The following EVC2 variants were observed in gnomAD, a reference collection of about 807,000 sequenced individuals.
EVC2 encodes the protein EvC ciliary complex subunit 2.
In EVC2, 148 loss-of-function variants were observed where a neutral mutation model predicts 149.3. The observed-to-expected ratio is 0.99, with a 90% CI of 0.87 to 1.14. The LOEUF (loss-of-function observed/expected upper bound fraction) is 1.14. Ranked by LOEUF, EVC2 falls within the 50% of genes most tolerant of loss-of-function variation. The probability of loss-of-function intolerance (pLI) is 0.00; values close to 1 mark genes in which losing one functional copy is unlikely to be tolerated. For missense variants in EVC2, 1,854 were observed against 1,627.3 expected, an observed-to-expected ratio of 1.14 and a Z score of -2.40; for synonymous variants, 776 against 649.9, an observed-to-expected ratio of 1.19 and a Z score of -2.95.
rs1176526565 is a variant in EVC2 at position 5,569,846 on chromosome 4, C to G, written c.3361-1206G>C. On this transcript the variant is annotated intron_variant, in intron 19 of 21. Coordinates refer to ENST00000344408, the MANE Select transcript of EVC2 (RefSeq NM_147127.5). This position sits in a 1 kb window ranked among gnomAD's most constrained non-coding sequence, Gnocchi z 4.8. ...ACGAGGAAAGGTGCTGTTCCAAATACCAAAGCTCCTTCCACGTCCTGACGC... is the reference window on the plus strand; with the variant it reads ...ACGAGGAAAGGTGCTGTTCCAAATAGCAAAGCTCCTTCCACGTCCTGACGC... 6.6e-6 allele frequency among the ~76,000 whole-genome samples: 1 copy of G among 152,124 alleles called. No individual in the cohort carries two copies. Among genetic ancestry groups the G allele is most frequent in the Non-Finnish European group, 1.5e-5 (1 of 68,022 alleles).
At chr4:5,599,238 T>C (rs1713751601) in intron 16 of EVC2, among the ~76,000 whole-genome samples, 1 of 150,744 alleles carries the variant, frequency 6.6e-6, no homozygotes, top group South Asian at 2.1e-4. Flanking sequence ...CCCAAAGGTC[T>C]ATAAATCATG....
intron 21 of EVC2, among the ~76,000 whole-genome samples, chr4:5,563,620 A>G (rs1003437581): frequency 2.6e-5 from 4 of 152,084 alleles, no homozygotes; most frequent in Non-Finnish European, 5.9e-5. Flanking sequence ...GATTACAGGC[A>G]TAAGCCACCA....
At chr4:5,616,846 A>C (rs1190790128) in intron 15 of EVC2, among the ~76,000 whole-genome samples, 1 of 152,204 alleles carries the variant, frequency 6.6e-6, no homozygotes, top group Non-Finnish European at 1.5e-5. Context: ...GGCAGTGGCC[A>C]CAGCCATTTC....
chr4:5,691,633 G>A (rs1193502185), intron 3 of EVC2, among the ~76,000 whole-genome samples: 2 of 152,172 alleles, frequency 1.3e-5, no homozygotes, highest in South Asian at 2.1e-4. Flanking sequence ...CAAGGGGGAC[G>A]TGGGCAGAGC....
chr4:5,693,930 A>G (rs982246238), intron 3 of EVC2, among the ~76,000 whole-genome samples: 3 of 152,360 alleles, frequency 2.0e-5, no homozygotes, highest in African/African-American at 4.8e-5. Flanking sequence ...GAAACTCATA[A>G]TGAGGCTCAA....
intron 9 of EVC2, among the ~76,000 whole-genome samples, chr4:5,652,315 G>A (rs4440166): frequency 0.35 from 53,001 of 151,686 alleles, 10,020 homozygotes; most frequent in East Asian, 0.48. Flanking sequence ...CAATTCAGCC[G>A]GTTGTTTGTA....
chr4:5,631,740 C>T (rs568936476), intron 11 of EVC2, 53 bp downstream of exon 11: 2 of 1,607,908 alleles, frequency 1.2e-6, no homozygotes, highest in African/African-American at 2.7e-5. Flanking sequence ...GAGACATTTA[C>T]TGAAACAATT....
In EVC2 at chr4:5,696,722, C is replaced by G. The variant is rs532827023; in HGVS notation, c.283+871G>C. Among the ~76,000 whole-genome samples, 1 of 152,326 alleles carries G rather than the reference C, an allele frequency of 6.6e-6. No homozygotes were observed. Among genetic ancestry groups the G allele is most frequent in the South Asian group, 2.1e-4 (1 of 4,820 alleles). ...GAGAACCTTGTGCTCCTGGGTCCAG[C>G]AGTGCCAGGGCCTGTGCGTTTCAGT... On this transcript the variant is annotated intron_variant, in intron 2 of 21. Transcript: ENST00000344408. The surrounding 1 kb of genome is among the most constrained non-coding windows in gnomAD (Gnocchi z 4.1).
At chr4:5,621,538 A>G (rs912817966) in intron 14 of EVC2, among the ~76,000 whole-genome samples, 4 of 152,304 alleles carry the variant, frequency 2.6e-5, no homozygotes, top group Admixed American at 2.6e-4. Flanking sequence ...CCAGTTTCCA[A>G]TCTGTTGCCA....
chr4:5,695,277 G>C (rs1333414202), intron 2 of EVC2, among the ~76,000 whole-genome samples: 1 of 151,812 alleles, frequency 6.6e-6, no homozygotes, highest in Non-Finnish European at 1.5e-5. Context: ...GAACCTGGGA[G>C]GCGGAGGTTG....
chr4:5,691,179 G>T, intron 4 of EVC2, 86 bp downstream of exon 4: 1 of 1,220,734 alleles, frequency 8.2e-7, no homozygotes, highest in Non-Finnish European at 1.2e-6. Context: ...TGATTTATCA[G>T]TTCTTAAATA....
rs1307819549 is a variant in EVC2, at chr4:5,622,876, A to T, written c.2162T>A (p.Leu721Gln). Residue 721 changes from leucine to glutamine, a missense_variant, in exon 14 of 22, where the codon CTG becomes CAG. By Grantham distance (113) the Leu-to-Gln change is moderately radical. Transcript: ENST00000344408. This position sits in a 1 kb window ranked among gnomAD's most constrained non-coding sequence, Gnocchi z 5.8. The stretch of plus-strand genomic sequence containing the variant: ...GTCCAGACGCTCCTGCAGCTCCTCC[A>T]GGGTGGCACCGTGCTCCTCCATCAG... ...RSLMEEHGAT[L>Q]EELQERLDQA... 6.2e-7 allele frequency: 1 copy of T among 1,614,176 alleles called. No homozygotes were observed. The highest frequency in any genetic ancestry group is 8.5e-7 in the Non-Finnish European group (1 of 1,180,046).
intron 9 of EVC2, among the ~76,000 whole-genome samples, chr4:5,650,630 T>G (rs866686661): frequency 0.012 from 786 of 67,634 alleles, 5 homozygotes; most frequent in African/African-American, 0.027. Context: ...TATATATATA[T>G]ATATATATAG....
intron 10 of EVC2, among the ~76,000 whole-genome samples, chr4:5,634,585 G>A (rs140854723): frequency 1.3e-5 from 2 of 152,164 alleles, no homozygotes; most frequent in African/African-American, 2.4e-5. Context: ...CTCTGCCGAA[G>A]AATAAAGTAT....
At chr4:5,595,882 A>G (rs1713361037) in intron 16 of EVC2, among the ~76,000 whole-genome samples, 1 of 152,198 alleles carries the variant, frequency 6.6e-6, no homozygotes, top group South Asian at 2.1e-4. Context: ...AGAGCTACCA[A>G]GCAAATGGAA....
At chr4:5,615,733 C>G (rs1399076553) in intron 15 of EVC2, among the ~76,000 whole-genome samples, 189 bp from the exon 16 acceptor site, 1 of 152,164 alleles carries the variant, frequency 6.6e-6, no homozygotes, top group Non-Finnish European at 1.5e-5. Context: ...AGCCTTTGAT[C>G]TTCACACAAT....
chr4:5,684,852 A>G (rs574278201), intron 6 of EVC2, among the ~76,000 whole-genome samples: 2 of 152,240 alleles, frequency 1.3e-5, no homozygotes, highest in South Asian at 4.1e-4. Flanking sequence ...AGAAGAGGCT[A>G]GGACAGACGT....
At chr4:5,644,685 C>T (rs1717584123) in intron 9 of EVC2, among the ~76,000 whole-genome samples, 1 of 152,142 alleles carries the variant, frequency 6.6e-6, no homozygotes, top group African/African-American at 2.4e-5. Context: ...TAAACCTACC[C>T]CTTCCCATAC....
chr4:5,690,415 T>G (rs13147849), intron 4 of EVC2, among the ~76,000 whole-genome samples: 23,991 of 151,662 alleles, frequency 0.16, 2,284 homozygotes, highest in East Asian at 0.31. Context: ...GTTTTTTTTT[T>G]TTTTTTTAAT....
Sources: gnomAD v4.1 joint callset for allele counts (sites outside exome capture counted in the v4.1 genomes callset) on GRCh38, gnomAD v4.1.1 for gene constraint, Gnocchi (gnomAD v3.1) non-coding constraint, MANE v1.5 for transcripts, NCBI Gene and HGNC (gene_info 2026-07-23, HGNC 2026-07-21) for gene names.